Variants in NBPF8 observed in about 807,000 individuals in gnomAD.
NBPF8 encodes the protein NBPF family member NBPF8.
chr1:120,465,978 G>A, exon 25 of NBPF8: 4 of 1,611,766 alleles, frequency 2.5e-6, no homozygotes, highest in Non-Finnish European at 3.4e-6. Flanking sequence ...CCTTTTCCAG[G>A]CTCAACAGCG....
upstream of NBPF8, chr1:120,432,211 TG>T (rs1359989240): frequency 7.3e-6 from 1 of 137,746 alleles, no homozygotes. Flanking sequence ...TGTGGAGGCC[TG>T]GGGAGTTTCT....
At chr1:120,462,396 G>C (rs1661616956) in intron 20 of NBPF8, among the ~76,000 whole-genome samples, 199 bp downstream of exon 18, 1 of 148,066 alleles carries the variant, frequency 6.8e-6, no homozygotes, top group African/African-American at 2.5e-5. Context: ...ACTTACTATA[G>C]GTTGACCATA....
rs1246033174 is a variant in NBPF8 at position 120,466,300 on chromosome 1, T to C, written n.3891T>C. The C allele has an allele frequency of 8.9e-6, 14 of 1,569,704 alleles. No individual in the cohort carries two copies. The African/African-American group carries it at 1.1e-4, about 12-fold the overall frequency. Reference sequence around the variant, plus strand: ...CCTGAAGATTTGAATGAAACTATAGTTCCATTTGGAAGCCCAGACATAGGA... The same window carrying C: ...CCTGAAGATTTGAATGAAACTATAGCTCCATTTGGAAGCCCAGACATAGGA... On this transcript the variant is annotated non_coding_transcript_exon_variant, in exon 25 of 25. Coordinates refer to ENST00000583271, the Ensembl canonical transcript of NBPF8.
chr1:120,463,210 C>T (rs1661642797), intron 21 of NBPF8, among the ~76,000 whole-genome samples: 1 of 145,042 alleles, frequency 6.9e-6, no homozygotes, highest in African/African-American at 2.6e-5. Flanking sequence ...CCGCTCTCAG[C>T]ACATTGGACC....
chr1:120,459,267 ACCACT>A (rs1661504923), intron 16 of NBPF8, 95 bp from the exon 15 acceptor site: 4 of 576,466 alleles, frequency 6.9e-6, no homozygotes, highest in Non-Finnish European at 1.2e-5. Context: ...GGTTTCTGTG[ACCACT>A]CCATTCTGTC....
chr1:120,435,886 A>G (rs1661060490), upstream of NBPF8, among the ~76,000 whole-genome samples: 1 of 151,018 alleles, frequency 6.6e-6, no homozygotes, highest in African/African-American at 2.4e-5. Context: ...AAAAGTCAAA[A>G]CAAGAGAACA....
upstream of NBPF8, among the ~76,000 whole-genome samples, chr1:120,436,057 T>C (rs1176376624): frequency 6.6e-6 from 1 of 151,826 alleles, no homozygotes; most frequent in African/African-American, 2.4e-5. Context: ...TCTGTGGCAT[T>C]GTCACAAGGG....
At chr1:120,449,762 G>A (rs587649166) in intron 11 of NBPF8, among the ~76,000 whole-genome samples, 58 of 152,296 alleles carry the variant, frequency 3.8e-4, no homozygotes, top group African/African-American at 1.3e-3. Flanking sequence ...CTAAATGTCT[G>A]AGACTAGTGA....
At chr1:120,457,691 G>A (rs1661481429) in intron 16 of NBPF8, among the ~76,000 whole-genome samples, 1 of 65,734 alleles carries the variant, frequency 1.5e-5, no homozygotes, top group Admixed American at 1.5e-4. Flanking sequence ...TAACTAACCT[G>A]CACGTTGTGC....
In NBPF8 at chr1:120,452,663, C is replaced by G. The variant is rs1202390380; in HGVS notation, n.2289+332C>G. ...GCTCTGGACTAAGAATGAAGGTTCC[C>G]AGGCTGTCTTTTCGGCAATGTTCTT... On this transcript the variant is annotated intron_variant and non_coding_transcript_variant, in intron 13 of 24. Coordinates refer to ENST00000583271, the Ensembl canonical transcript of NBPF8. Among the ~76,000 whole-genome samples, 3 of 152,364 alleles carry G rather than the reference C, an allele frequency of 2.0e-5. No homozygotes were observed. The South Asian group carries it at 6.2e-4, about 32-fold the overall frequency.
At chr1:120,422,125 T>C (rs1260761501) in intron 1 of NBPF8, among the ~76,000 whole-genome samples, 8 of 152,336 alleles carry the variant, frequency 5.3e-5, no homozygotes, top group Non-Finnish European at 8.8e-5. Flanking sequence ...ATGGAGTGGA[T>C]AGTACAGAGA....
intron 12 of NBPF8, among the ~76,000 whole-genome samples, chr1:120,451,875 T>C (rs1661284497): frequency 6.6e-6 from 1 of 151,360 alleles, no homozygotes; most frequent in Non-Finnish European, 1.5e-5. Flanking sequence ...CTACTTTTGT[T>C]TACAGAAGAG....
At chr1:120,464,473 G>T in exon 23 of NBPF8, 1 of 1,025,102 alleles carries the variant, frequency 9.8e-7, no homozygotes, top group Non-Finnish European at 1.5e-6. Flanking sequence ...TGAACAGCCT[G>T]ACTCCTGCCA....
At chr1:120,428,651 G>A (rs1194460343) in intron 3 of NBPF8, among the ~76,000 whole-genome samples, 38 of 152,144 alleles carry the variant, frequency 2.5e-4, no homozygotes, top group African/African-American at 8.9e-4. Context: ...GCCGACAGTG[G>A]CTGATGCTGC....
rs1366627906 is a variant in NBPF8 at position 120,464,284 on chromosome 1, A to T, written n.3287-92A>T. 2.1e-5 allele frequency: 15 copies of T among 699,038 alleles called. 1 individual carries two copies. The highest frequency in any genetic ancestry group is 3.9e-5 in the Non-Finnish European group (15 of 384,652). 43.3% of individuals were successfully genotyped at this position (699,038 alleles called of 1,614,324 possible). On this transcript the variant is annotated intron_variant and non_coding_transcript_variant, in intron 22 of 24. Coordinates refer to ENST00000583271, the Ensembl canonical transcript of NBPF8. ...ATGGATCTATCCTTTTACTTTTTTA[A>T]CCACTTCCTTATGCTACCCATGAAA...
intron 3 of NBPF8, among the ~76,000 whole-genome samples, chr1:120,431,314 A>C (rs1660867559): frequency 1.0e-5 from 1 of 97,256 alleles, no homozygotes; most frequent in Non-Finnish European, 2.0e-5. Flanking sequence ...ATCATCTCCA[A>C]ATAGGGAATA....
intron 11 of NBPF8, among the ~76,000 whole-genome samples, chr1:120,449,884 G>A (rs1553248537): frequency 1.3e-5 from 2 of 152,170 alleles, no homozygotes; most frequent in Non-Finnish European, 1.5e-5. Context: ...GGCTTCAAGA[G>A]GAGTCTATTC....
intron 12 of NBPF8, 33 bp from the exon 11 acceptor site, chr1:120,452,084 C>A: frequency 6.9e-7 from 1 of 1,452,056 alleles, no homozygotes; most frequent in South Asian, 1.1e-5. Context: ...CAACCCTTTC[C>A]ACTCTTAAAT....
intron 1 of NBPF8, among the ~76,000 whole-genome samples, chr1:120,420,511 C>T (rs1169913121): frequency 3.3e-5 from 5 of 151,000 alleles, no homozygotes; most frequent in Admixed American, 2.0e-4. Context: ...GGCTCACCCC[C>T]TCCCTGTCCA....
Sources: allele counts gnomAD v4.1 joint callset (sites outside exome capture counted in the v4.1 genomes callset), GRCh38; gene constraint gnomAD v4.1.1; transcripts MANE v1.5; gene names NCBI Gene and HGNC (gene_info 2026-07-23, HGNC 2026-07-21).